The following MAPRE2 variants were observed in gnomAD, a reference collection of about 807,000 sequenced individuals.
MAPRE2 encodes microtubule associated protein RP/EB family member 2.
In MAPRE2, 13 loss-of-function variants were observed where a neutral mutation model predicts 43.2. The observed-to-expected ratio is 0.30, with a 90% confidence interval of 0.20 to 0.48. The LOEUF (loss-of-function observed/expected upper bound fraction) is 0.48. MAPRE2 is among the 20% of genes least tolerant of loss of function. The probability of loss-of-function intolerance (pLI) is 0.99; values close to 1 mark genes in which losing one functional copy is unlikely to be tolerated. For synonymous variants in MAPRE2, 135 were observed against 148.8 expected, an observed-to-expected ratio of 0.91 and a Z score of 0.68; for missense variants, 161 against 400.2, an observed-to-expected ratio of 0.40 and a Z score of 5.10.
intron 6 of MAPRE2, among the ~76,000 whole-genome samples, chr18:35,135,054 T>C (rs1047466129): frequency 6.6e-6 from 1 of 152,192 alleles, no homozygotes; most frequent in East Asian, 1.9e-4. Context: ...ATAAATTGCA[T>C]GTGTGGGTTA....
At chr18:35,098,061 T>C (rs1436568606) in intron 3 of MAPRE2, among the ~76,000 whole-genome samples, 2 of 152,178 alleles carry the variant, frequency 1.3e-5, no homozygotes, top group Non-Finnish European at 2.9e-5. Flanking sequence ...GAAGTTGACA[T>C]GAGAAGCAGT....
chr18:35,043,367 G>T (rs1440261249), intron 1 of MAPRE2, among the ~76,000 whole-genome samples: 1 of 152,108 alleles, frequency 6.6e-6, no homozygotes, highest in Admixed American at 6.5e-5. Flanking sequence ...GACAGAATTC[G>T]AATTTTACCC....
At chr18:35,090,057 T>C (rs476348) in intron 2 of MAPRE2, among the ~76,000 whole-genome samples, 117,000 of 152,158 alleles carry the variant, frequency 0.77, 45,945 homozygotes, top group African/African-American at 0.94. Context: ...TATATGATTC[T>C]ATTTATATGA....
At chr18:35,073,430 A>G (rs1907204298) in intron 2 of MAPRE2, among the ~76,000 whole-genome samples, 1 of 152,206 alleles carries the variant, frequency 6.6e-6, no homozygotes, top group African/African-American at 2.4e-5. Flanking sequence ...ACTTATGAGT[A>G]GTCAGATTTC....
intron 2 of MAPRE2, among the ~76,000 whole-genome samples, chr18:35,085,457 T>A (rs642433): frequency 0.14 from 20,949 of 152,220 alleles, 1,607 homozygotes; most frequent in East Asian, 0.3. Context: ...AATATGGCTA[T>A]GTTACTGAGT....
chr18:34,998,726 G>A (rs896336730), intron 1 of MAPRE2, among the ~76,000 whole-genome samples: 7 of 147,528 alleles, frequency 4.7e-5, no homozygotes, highest in African/African-American at 1.8e-4. Context: ...GCCTCTGAAA[G>A]TGCTGGGATT....
intron 1 of MAPRE2, among the ~76,000 whole-genome samples, chr18:35,058,567 A>C (rs1309624853): frequency 6.6e-6 from 1 of 152,192 alleles, no homozygotes; most frequent in Non-Finnish European, 1.5e-5. Flanking sequence ...TTGAACCTCA[A>C]ATCTGTAGTA....
chr18:35,105,815 T>C (rs914202833), intron 4 of MAPRE2, among the ~76,000 whole-genome samples: 2 of 152,092 alleles, frequency 1.3e-5, no homozygotes, highest in African/African-American at 4.8e-5. Flanking sequence ...CCTGGGATCT[T>C]TATTACAAAA....
intron 2 of MAPRE2, among the ~76,000 whole-genome samples, 195 bp from the exon 3 acceptor site, chr18:35,097,251 T>C (rs1234852759): frequency 6.6e-6 from 1 of 152,150 alleles, no homozygotes; most frequent in Non-Finnish European, 1.5e-5. Context: ...AGGTGCTGTA[T>C]TGTTGAGGTA....
intron 2 of MAPRE2, among the ~76,000 whole-genome samples, chr18:35,070,860 T>C (rs1157880574): frequency 6.6e-6 from 1 of 152,218 alleles, no homozygotes; most frequent in Non-Finnish European, 1.5e-5. Context: ...ATGGTTCCTT[T>C]GCTGAGATCT....
Position 34,980,023 on chromosome 18 carries a change from C to CTT in MAPRE2, c.-70+2950_-70+2951dup, listed in dbSNP as rs1450524683. On this transcript the variant is annotated intron_variant, in intron 1 of 7. Transcript: ENST00000413393. ...TTTCTTTTCTTTTCTTTTTCTTTTT[C>CTT]TTTTTTTCTTTTTTTTTTTTTTTTT... Among the ~76,000 whole-genome samples the CTT allele has an allele frequency of 1.9e-3, 247 of 132,408 alleles. 7 individuals carry two copies. The highest frequency in any genetic ancestry group is 7.0e-3 in the African/African-American group (237 of 34,054). The allele number at this position is 132,408 out of a possible 152,430, so 86.9% of individuals were successfully genotyped here.
chr18:35,129,784 G>A (rs949157897), intron 5 of MAPRE2, among the ~76,000 whole-genome samples: 2 of 152,184 alleles, frequency 1.3e-5, no homozygotes, highest in Non-Finnish European at 2.9e-5. Flanking sequence ...TTGGAAGAAT[G>A]GTAAGAAGAG....
intron 1 of MAPRE2, among the ~76,000 whole-genome samples, chr18:34,986,178 A>G (rs1202934883): frequency 1.3e-5 from 2 of 152,162 alleles, no homozygotes; most frequent in East Asian, 1.9e-4. Flanking sequence ...ACTGCACATC[A>G]TACATAAAAA....
intron 1 of MAPRE2, among the ~76,000 whole-genome samples, chr18:34,984,766 TATA>T (rs1232249010): frequency 1.5e-5 from 2 of 129,160 alleles, no homozygotes; most frequent in East Asian, 2.1e-4. Context: ...ACATACTATA[TATA>T]ATAATATATT....
chr18:35,116,454 C>T (rs1909415507), intron 4 of MAPRE2, among the ~76,000 whole-genome samples: 1 of 152,206 alleles, frequency 6.6e-6, no homozygotes, highest in Non-Finnish European at 1.5e-5. Context: ...GCTGGGTTAT[C>T]TGTTTTAGGA....
At chr18:35,067,384 A>G (rs533046413) in intron 1 of MAPRE2, among the ~76,000 whole-genome samples, 7 of 152,292 alleles carry the variant, frequency 4.6e-5, no homozygotes, top group African/African-American at 1.7e-4. Context: ...TTATTGACAA[A>G]CTGCAGCAAA....
In MAPRE2 at chr18:35,041,922, G is replaced by A. The variant is rs576875196; in HGVS notation, c.122+261G>A. On this transcript the variant is annotated intron_variant, in intron 1 of 6. Coordinates refer to ENST00000300249, the MANE Select transcript of MAPRE2 (RefSeq NM_014268.4). ...CCCTCCATCTCTTTCCTTCCACACT[G>A]ATAAAAATGCATGCTGTTTTCCCCC... is the stretch of plus-strand genomic sequence containing the variant. Among the ~76,000 whole-genome samples, 114 of 152,316 alleles carry A rather than the reference G, an allele frequency of 7.5e-4. 1 individual carries two copies. In the South Asian group the frequency reaches 0.023, roughly 30 times the overall value.
chr18:35,012,308 G>A (rs1215512268), intron 2 of MAPRE2, among the ~76,000 whole-genome samples: 1 of 152,150 alleles, frequency 6.6e-6, no homozygotes, highest in Non-Finnish European at 1.5e-5. Flanking sequence ...AGCTTTGAGG[G>A]TCACTAGCAT....
intron 6 of MAPRE2, among the ~76,000 whole-genome samples, chr18:35,132,901 C>T (rs111684619): frequency 1.3e-4 from 20 of 152,246 alleles, no homozygotes; most frequent in African/African-American, 4.3e-4. Context: ...CCGGGTCTGC[C>T]AGTGCCAGGA....
Sources: allele counts gnomAD v4.1 joint callset (sites outside exome capture counted in the v4.1 genomes callset), GRCh38; gene constraint gnomAD v4.1.1; transcripts MANE v1.5; gene names NCBI Gene and HGNC (gene_info 2026-07-23, HGNC 2026-07-21).